The following TNIK variants were observed in gnomAD, a reference collection of about 807,000 sequenced individuals.
TNIK encodes TRAF2 and NCK-interacting protein kinase.
TNIK carries 49 observed loss-of-function variants against 191.3 expected under a neutral mutation model. That is an observed-to-expected ratio of 0.26 (90% CI 0.20 to 0.32). The LOEUF (loss-of-function observed/expected upper bound fraction) is 0.32. Ranked by LOEUF, TNIK falls within the 10% of genes least tolerant of loss-of-function variation. The probability of loss-of-function intolerance (pLI) is 1.00; values close to 1 mark genes in which losing one functional copy is unlikely to be tolerated. For missense variants in TNIK, 1,155 were observed against 1,702.3 expected (o/e 0.68, Z 5.66); for synonymous variants, 594 against 600.9 (o/e 0.99, Z 0.17).
intron 1 of TNIK, among the ~76,000 whole-genome samples, chr3:171,410,888 G>A (rs1238032670): frequency 6.6e-6 from 1 of 151,706 alleles, no homozygotes; most frequent in Non-Finnish European, 1.5e-5. Context: ...AGATGCAAGG[G>A]GAAGGAGGTA....
chr3:171,146,081 G>A (rs115173743), intron 12 of TNIK, among the ~76,000 whole-genome samples: 33 of 152,280 alleles, frequency 2.2e-4, no homozygotes, highest in African/African-American at 7.7e-4. Flanking sequence ...TGGACAACAT[G>A]AATCTCAACC....
chr3:171,238,239 TAA>T (rs911354153), intron 2 of TNIK, among the ~76,000 whole-genome samples: 26 of 151,750 alleles, frequency 1.7e-4, no homozygotes, highest in African/African-American at 5.8e-4. Flanking sequence ...AAAAAATTCA[TAA>T]AATTCAAAAA....
At chr3:171,209,293 T>C (rs907109837) in intron 4 of TNIK, among the ~76,000 whole-genome samples, 1 of 152,178 alleles carries the variant, frequency 6.6e-6, no homozygotes, top group Non-Finnish European at 1.5e-5. Flanking sequence ...TTGATATTGC[T>C]TACTTTTTTG....
At chr3:171,198,522 AAGT>A (rs1201896957) in intron 4 of TNIK, among the ~76,000 whole-genome samples, 1 of 152,140 alleles carries the variant, frequency 6.6e-6, no homozygotes, top group African/African-American at 2.4e-5. Flanking sequence ...ATACATTCTA[AAGT>A]AGTTAAAATT....
intron 2 of TNIK, among the ~76,000 whole-genome samples, chr3:171,278,400 T>C (rs1750025239): frequency 6.6e-6 from 1 of 152,154 alleles, no homozygotes; most frequent in Non-Finnish European, 1.5e-5. Context: ...CTTATCAACA[T>C]CAACATAAGT....
At chr3:171,240,193 G>A (rs1369365426) in intron 2 of TNIK, among the ~76,000 whole-genome samples, 3 of 152,120 alleles carry the variant, frequency 2.0e-5, no homozygotes, top group East Asian at 1.9e-4. Context: ...ATCAGGGATC[G>A]TGAGACGGGT....
chr3:171,111,631 A>G (rs1369154499), intron 18 of TNIK, among the ~76,000 whole-genome samples: 2 of 152,202 alleles, frequency 1.3e-5, no homozygotes, highest in Admixed American at 6.5e-5. Flanking sequence ...AAATAGAATT[A>G]TCATAGGATC....
At position 171,405,508 on chromosome 3, in the gene TNIK, T is replaced by TAAAAAAAA. The variant is rs10635709; in HGVS notation, c.58-35831_58-35824dup. Among the ~76,000 whole-genome samples the TAAAAAAAA allele has an allele frequency of 1.9e-3, 268 of 144,392 alleles. 1 individual carries two copies. The highest frequency in any genetic ancestry group is 6.7e-3 in the African/African-American group (263 of 39,170). 94.7% of individuals were successfully genotyped at this position (144,392 alleles called of 152,430 possible). On this transcript the variant is annotated intron_variant, in intron 1 of 32. Transcript: ENST00000436636. ...GACAACTCTCAATCACCAAATCTGG[T>TAAAAAAAA]AAAAAAAAAAAAATCACAACAAAAA...
At chr3:171,177,503 C>A (rs1404558831) in intron 7 of TNIK, 123 bp from the exon 8 acceptor site, 11 of 1,155,244 alleles carry the variant, frequency 9.5e-6, no homozygotes, top group Non-Finnish European at 1.3e-5. Flanking sequence ...AAACCTATTT[C>A]TTCCACTAAC....
chr3:171,164,204 A>G (rs996551485), intron 10 of TNIK, among the ~76,000 whole-genome samples: 2 of 152,216 alleles, frequency 1.3e-5, no homozygotes, highest in Non-Finnish European at 2.9e-5. Flanking sequence ...GAACAAACAC[A>G]TTAAAAATGA....
chr3:171,169,276 T>A (rs184140542), intron 9 of TNIK, among the ~76,000 whole-genome samples: 59 of 151,836 alleles, frequency 3.9e-4, no homozygotes, highest in South Asian at 8.3e-4. Flanking sequence ...TATCATTATT[T>A]TTTTTTTTTT....
intron 11 of TNIK, 102 bp downstream of exon 11, chr3:171,161,168 G>T: frequency 8.3e-7 from 1 of 1,208,848 alleles, no homozygotes; most frequent in Non-Finnish European, 1.2e-6. Context: ...GACCACCCTG[G>T]TGGATTCTTA....
intron 15 of TNIK, among the ~76,000 whole-genome samples, chr3:171,134,019 T>C (rs1228158902): frequency 1.3e-5 from 2 of 152,192 alleles, no homozygotes; most frequent in Non-Finnish European, 2.9e-5. Flanking sequence ...TGAGCTTTGG[T>C]ACAATTTTTT....
At chr3:171,449,393 A>G (rs1177898346) in intron 1 of TNIK, among the ~76,000 whole-genome samples, 1 of 152,182 alleles carries the variant, frequency 6.6e-6, no homozygotes, top group Non-Finnish European at 1.5e-5. Context: ...CTATTTCTCC[A>G]TGTCCTCCCC....
At chr3:171,175,451 C>A in intron 8 of TNIK, 121 bp from the exon 9 acceptor site, 1 of 705,666 alleles carries the variant, frequency 1.4e-6, no homozygotes. Flanking sequence ...CACCAGTGAG[C>A]ACAAAGTCAG....
At chr3:171,179,996 A>G (rs1736451541) in intron 7 of TNIK, among the ~76,000 whole-genome samples, 1 of 152,146 alleles carries the variant, frequency 6.6e-6, no homozygotes, top group Admixed American at 6.5e-5. Flanking sequence ...GTGAAATAAG[A>G]CACAAGTAAG....
chr3:171,247,069 T>C (rs1055300190), intron 2 of TNIK, among the ~76,000 whole-genome samples: 1 of 152,204 alleles, frequency 6.6e-6, no homozygotes, highest in Non-Finnish European at 1.5e-5. Context: ...GGATATGCAA[T>C]TGGAGAAGAC....
intron 1 of TNIK, among the ~76,000 whole-genome samples, chr3:171,452,199 A>G (rs1560091760): frequency 6.6e-6 from 1 of 152,188 alleles, no homozygotes; most frequent in Non-Finnish European, 1.5e-5. Flanking sequence ...TAAATTATAA[A>G]TCAGAATCTG....
At chr3:171,161,405 CTT>C in intron 10 of TNIK, 69 bp from the exon 11 acceptor site, 1 of 1,377,754 alleles carries the variant, frequency 7.3e-7, no homozygotes, top group Non-Finnish European at 1.0e-6. Flanking sequence ...AACCCCGTCT[CTT>C]ATATATAAAT....
Sources: allele counts gnomAD v4.1 joint callset (sites outside exome capture counted in the v4.1 genomes callset), GRCh38; gene constraint gnomAD v4.1.1; transcripts MANE v1.5; gene names NCBI Gene and HGNC (gene_info 2026-07-23, HGNC 2026-07-21).